PTPRJ: variants seen among roughly 807,000 people sequenced by gnomAD.
PTPRJ encodes the protein receptor-type tyrosine-protein phosphatase eta.
Under a neutral mutation model 141.3 loss-of-function variants are expected in PTPRJ, and 129 were observed. The ratio of observed to expected loss-of-function variants is 0.91; its 90% confidence interval spans 0.79 to 1.06. The LOEUF (loss-of-function observed/expected upper bound fraction) is 1.06, where lower values mean the gene tolerates loss of function less well. Ranked by LOEUF, PTPRJ falls within the 50% of genes least tolerant of loss-of-function variation. PTPRJ has a pLI of 0.00. For missense variants in PTPRJ, 1,601 were observed against 1,679.7 expected (o/e 0.95, Z 0.82); for synonymous variants, 610 against 640.5 (o/e 0.95, Z 0.72).
chr11:48,051,708 G>A (rs1227600780), intron 1 of PTPRJ, among the ~76,000 whole-genome samples: 1 of 152,168 alleles, frequency 6.6e-6, no homozygotes, highest in Admixed American at 6.6e-5. Context: ...CCTCTACCTA[G>A]TTTTTAAACA....
chr11:48,112,525 G>A (rs1856467567), intron 2 of PTPRJ, among the ~76,000 whole-genome samples: 1 of 152,196 alleles, frequency 6.6e-6, no homozygotes. Context: ...TGCAGTGTAA[G>A]CATGGAGCTT....
chr11:48,076,683 T>G (rs1041159937), intron 1 of PTPRJ, among the ~76,000 whole-genome samples: 7 of 152,076 alleles, frequency 4.6e-5, no homozygotes, highest in Admixed American at 3.9e-4. Context: ...CATTTAAGAT[T>G]TTTTTTGGGA....
chr11:48,054,672 G>A (rs558319965), intron 1 of PTPRJ, among the ~76,000 whole-genome samples: 124 of 152,050 alleles, frequency 8.2e-4, no homozygotes, highest in African/African-American at 2.5e-3. Context: ...TGTGGCCCCC[G>A]GGATTCCCTT....
intron 1 of PTPRJ, among the ~76,000 whole-genome samples, chr11:48,027,849 C>T (rs757791731): frequency 6.7e-6 from 1 of 149,458 alleles, no homozygotes; most frequent in Non-Finnish European, 1.5e-5. Context: ...TGTCTGCTCT[C>T]CAGGGAAGGC....
In PTPRJ at chr11:47,987,071, G is replaced by T. The variant is rs908182048; in HGVS notation, c.96+6063G>T. 7.2e-5 allele frequency among the ~76,000 whole-genome samples: 11 copies of T among 152,182 alleles called. No homozygotes were observed. In the South Asian group the frequency reaches 2.1e-3, roughly 29 times the overall value. On this transcript the variant is annotated intron_variant, in intron 1 of 24. Transcript: ENST00000418331. ...TCTATACAAAAAATTAGCTGGGCAT[G>T]GTGGTGTGGACCTGTGGTCCCACCT...
At chr11:48,009,736 A>G (rs1426052160) in intron 1 of PTPRJ, among the ~76,000 whole-genome samples, 2 of 152,248 alleles carry the variant, frequency 1.3e-5, no homozygotes, top group South Asian at 2.1e-4. Context: ...CGTAACTGCT[A>G]TGTGCCCCTG....
intron 5 of PTPRJ, among the ~76,000 whole-genome samples, 159 bp from the exon 6 acceptor site, chr11:48,124,809 G>C (rs1311790398): frequency 6.6e-6 from 1 of 152,188 alleles, no homozygotes; most frequent in African/African-American, 2.4e-5. Flanking sequence ...TTTTTATGGG[G>C]CTGCCTCTCT....
At chr11:48,035,600 A>G (rs1446414201) in intron 1 of PTPRJ, among the ~76,000 whole-genome samples, 3 of 103,156 alleles carry the variant, frequency 2.9e-5, no homozygotes, top group Admixed American at 2.9e-4. Flanking sequence ...GTCTCAATTG[A>G]GTCTTTGTGG....
chr11:48,135,319 C>T (rs1412869994), intron 8 of PTPRJ, among the ~76,000 whole-genome samples: 1 of 151,632 alleles, frequency 6.6e-6, no homozygotes, highest in Non-Finnish European at 1.5e-5. Context: ...GGACTACAGG[C>T]ATGCACCACC....
intron 3 of PTPRJ, among the ~76,000 whole-genome samples, chr11:48,116,528 A>G (rs1434050397): frequency 2.0e-5 from 3 of 152,248 alleles, no homozygotes; most frequent in Non-Finnish European, 2.9e-5. Flanking sequence ...CAGACAGGAA[A>G]TCAATAAGGA....
intron 4 of PTPRJ, among the ~76,000 whole-genome samples, chr11:48,122,308 A>T (rs1390850870): frequency 6.6e-6 from 1 of 152,224 alleles, no homozygotes; most frequent in Non-Finnish European, 1.5e-5. Context: ...GGAAATGGTC[A>T]TGAGGACAAG....
intron 24 of PTPRJ, among the ~76,000 whole-genome samples, chr11:48,164,963 C>A (rs1463983164): frequency 6.6e-6 from 1 of 152,168 alleles, no homozygotes; most frequent in Non-Finnish European, 1.5e-5. Flanking sequence ...TGAACTAACA[C>A]TGGATTTCTT....
At chr11:48,137,733 G>A (rs1362009142) in intron 10 of PTPRJ, among the ~76,000 whole-genome samples, 2 of 152,164 alleles carry the variant, frequency 1.3e-5, no homozygotes, top group Non-Finnish European at 2.9e-5. Flanking sequence ...GCAAGGGTGG[G>A]AGGAGTGGAC....
At chr11:48,146,731 G>A in intron 14 of PTPRJ, 145 bp from the exon 15 acceptor site, 1 of 697,180 alleles carries the variant, frequency 1.4e-6, no homozygotes, top group Admixed American at 2.2e-5. Flanking sequence ...GTGTGTGTGT[G>A]CGCCTGTGTG....
At chr11:48,083,869 ATCTGTGAGG>A (rs1412010829) in intron 1 of PTPRJ, among the ~76,000 whole-genome samples, 2 of 152,196 alleles carry the variant, frequency 1.3e-5, no homozygotes, top group Admixed American at 6.5e-5. Flanking sequence ...CCTTTTAGGG[ATCTGTGAGG>A]TCTGTGAGGT....
At chr11:48,021,842 G>GATAT (rs1855133446) in intron 1 of PTPRJ, among the ~76,000 whole-genome samples, 2 of 152,168 alleles carry the variant, frequency 1.3e-5, no homozygotes. Context: ...AACTCTGGAT[G>GATAT]ATATACTTCA....
At chr11:48,117,953 A>G (rs532750841) in intron 3 of PTPRJ, among the ~76,000 whole-genome samples, 7 of 152,384 alleles carry the variant, frequency 4.6e-5, no homozygotes, top group Admixed American at 4.6e-4. Context: ...TGGATAACCT[A>G]GAAGAAATGG....
At chr11:48,083,585 C>G (rs953420390) in intron 1 of PTPRJ, among the ~76,000 whole-genome samples, 4 of 152,212 alleles carry the variant, frequency 2.6e-5, no homozygotes, top group African/African-American at 9.6e-5. Flanking sequence ...TCCACTAGTA[C>G]TTACTACTAC....
intron 1 of PTPRJ, among the ~76,000 whole-genome samples, chr11:48,001,638 G>A (rs1365866676): frequency 6.6e-6 from 1 of 152,178 alleles, no homozygotes; most frequent in Non-Finnish European, 1.5e-5. Context: ...TGTATTGGCT[G>A]AGTGAATCCT....
Sources: allele counts gnomAD v4.1 joint callset (sites outside exome capture counted in the v4.1 genomes callset), GRCh38; gene constraint gnomAD v4.1.1; transcripts MANE v1.5; gene names NCBI Gene and HGNC (gene_info 2026-07-23, HGNC 2026-07-21).